Variants in RMDN1 observed in about 807,000 individuals in gnomAD.
RMDN1 encodes regulator of microtubule dynamics protein 1.
RMDN1 carries 48 observed loss-of-function variants against 48.9 expected under a neutral mutation model. The observed-to-expected ratio is 0.98, with a 90% CI of 0.78 to 1.25. The LOEUF is 1.25. RMDN1 is among the 50% of genes most tolerant of loss of function. The pLI is 0.00. For missense variants in RMDN1, 418 were observed against 373.4 expected, an observed-to-expected ratio of 1.12 and a Z score of -0.98; for synonymous variants, 148 against 132.6, an observed-to-expected ratio of 1.12 and a Z score of -0.80.
intron 5 of RMDN1, chr8:86,482,494 C>T (rs1483529796): frequency 3.1e-6 from 2 of 639,968 alleles, no homozygotes; most frequent in Non-Finnish European, 5.8e-6. Flanking sequence ...CGTTTTCTTC[C>T]TGGTCATTTA....
intron 2 of RMDN1, among the ~76,000 whole-genome samples, chr8:86,498,279 C>A (rs1181545262): frequency 2.7e-5 from 4 of 150,356 alleles, no homozygotes; most frequent in East Asian, 1.9e-4. Context: ...AACCTACCAA[C>A]CAGAAAAAGC....
chr8:86,482,351 G>T, intron 5 of RMDN1: 1 of 343,126 alleles, frequency 2.9e-6, no homozygotes, highest in South Asian at 2.7e-5. Flanking sequence ...GCAGTAAGCC[G>T]AGATCACACC....
chr8:86,475,004 T>C, intron 8 of RMDN1, 51 bp from the exon 9 acceptor site: 1 of 1,487,038 alleles, frequency 6.7e-7, no homozygotes, highest in African/African-American at 1.4e-5. Context: ...GTTGCTTTTA[T>C]TTTTAAAGGT....
intron 1 of RMDN1, among the ~76,000 whole-genome samples, chr8:86,507,717 ATC>A (rs1381674316): frequency 1.3e-5 from 2 of 152,082 alleles, no homozygotes; most frequent in East Asian, 3.8e-4. Flanking sequence ...AACTCCTCCC[ATC>A]TCTCTGCCTA....
chr8:86,486,607 T>C lies in RMDN1; in HGVS notation c.372A>G (p.Ala124=). ...TGCTAAGCTGAGCTACATCACGTGATGCCCGTGCCAAACGCCACAGTAACT... is the reference window on the plus strand; with the variant it reads ...TGCTAAGCTGAGCTACATCACGTGACGCCCGTGCCAAACGCCACAGTAACT... The part of the protein sequence containing the change: ...DAELLWRLAR[A]SRDVAQLSRT... The change falls in exon 4 of 10, where the codon GCA becomes GCG. Residue 124 remains alanine (A), a synonymous_variant. Coordinates refer to ENST00000406452, the MANE Select transcript of RMDN1 (RefSeq NM_016033.3). 9 of 1,606,798 alleles carry C rather than the reference T, an allele frequency of 5.6e-6. No individual in the cohort carries two copies. The highest frequency in any genetic ancestry group is 7.7e-6 in the Non-Finnish European group (9 of 1,176,108).
At position 86,482,048 on chromosome 8, in the gene RMDN1, T is replaced by C. The variant is rs1257379219; in HGVS notation, c.586-1716A>G. 4.4e-6 allele frequency: 3 copies of C among 680,344 alleles called. No homozygotes were observed. In the East Asian group the frequency reaches 8.2e-5, roughly 19 times the overall value. 42.1% of individuals were successfully genotyped at this position (680,344 alleles called of 1,614,324 possible). ...TCTTTGCATCGTAAATGCTAATCAC[T>C]GGTCCTCCTGCTAAAGCTCACGCGG... On this transcript the variant is annotated intron_variant, in intron 5 of 9. Coordinates refer to ENST00000406452, the MANE Select transcript of RMDN1 (RefSeq NM_016033.3).
chr8:86,505,153 C>T, intron 2 of RMDN1: 1 of 1,177,648 alleles, frequency 8.5e-7, no homozygotes, highest in African/African-American at 1.6e-5. Context: ...CCCAGGACTG[C>T]TTCTGAATGC....
At chr8:86,476,283 A>AG (rs1463975936) in intron 8 of RMDN1, among the ~76,000 whole-genome samples, 4 of 152,230 alleles carry the variant, frequency 2.6e-5, no homozygotes, top group Non-Finnish European at 5.9e-5. Flanking sequence ...TATGATCAAG[A>AG]GAGGGTATCA....
At chr8:86,512,009 G>A (rs1403894979), upstream of RMDN1, among the ~76,000 whole-genome samples, 1 of 152,106 alleles carries the variant, frequency 6.6e-6, no homozygotes, top group African/African-American at 2.4e-5. Context: ...ACCTTGTTAG[G>A]CTTGGTATCT....
intron 2 of RMDN1, among the ~76,000 whole-genome samples, chr8:86,502,880 G>A (rs543638754): frequency 2.0e-5 from 3 of 152,104 alleles, no homozygotes; most frequent in Non-Finnish European, 4.4e-5. Context: ...CTTTAAAAAT[G>A]TAAAAGAATA....
In RMDN1 at chr8:86,506,697, TCTCA is replaced by T. The variant is rs1395294867; in HGVS notation, c.247+294_247+297del. Reference sequence around the variant, plus strand: ...TGATAACGGTATCTTGGTTCTCAGTTCTCACTGTTTCCTCTGGTCACGGAGACTT... The same window carrying T: ...TGATAACGGTATCTTGGTTCTCAGTTCTGTTTCCTCTGGTCACGGAGACTT... On this transcript the variant is annotated intron_variant, in intron 2 of 9. Coordinates refer to ENST00000406452, the MANE Select transcript of RMDN1 (RefSeq NM_016033.3). 5.9e-5 allele frequency among the ~76,000 whole-genome samples: 9 copies of T among 152,272 alleles called. No individual in the cohort carries two copies. In the East Asian group the frequency reaches 1.4e-3, roughly 23 times the overall value.
intron 2 of RMDN1, among the ~76,000 whole-genome samples, chr8:86,491,070 T>A (rs1441715776): frequency 1.3e-5 from 2 of 151,852 alleles, no homozygotes; most frequent in African/African-American, 4.8e-5. Flanking sequence ...TCAAATAACT[T>A]AGCTCCAAAT....
At chr8:86,503,371 C>G in intron 2 of RMDN1, among the ~76,000 whole-genome samples, 1 of 68,004 alleles carries the variant, frequency 1.5e-5, no homozygotes, top group African/African-American at 1.0e-4. Flanking sequence ...CAAAACAAAA[C>G]AAAAAAAAAA....
At chr8:86,514,062 G>A (rs1247458291) in intron 1 of RMDN1, among the ~76,000 whole-genome samples, 2 of 151,874 alleles carry the variant, frequency 1.3e-5, no homozygotes, top group East Asian at 3.9e-4. Flanking sequence ...GCCCCAGGCT[G>A]GGGCTGGTCT....
intron 3 of RMDN1, among the ~76,000 whole-genome samples, chr8:86,487,510 C>T (rs1815677102): frequency 1.3e-5 from 2 of 152,082 alleles, no homozygotes; most frequent in Admixed American, 1.3e-4. Context: ...ATCGCTTGAA[C>T]CTGGAGGGTA....
chr8:86,469,122 CAGTTT>C (rs1428973519), downstream of RMDN1, among the ~76,000 whole-genome samples: 1 of 150,732 alleles, frequency 6.6e-6, no homozygotes. Context: ...TCTGTTAGAT[CAGTTT>C]AGTTGTTTGT....
rs1433268531 is a variant in RMDN1, at chr8:86,507,038, G to GT, written c.203dup (p.Tyr68Ter). ...CCACAGCAGCCTGAGAGATAACCTG[G>GT]TAAGTTTCAAAACCCAAATACGACA... ...SALSYLGFET[Y>*]QVISQAAVVH... The change falls in exon 2 of 10, where the codon TAC becomes TAAC. Residue 68 changes from tyrosine (Y) to a stop codon, truncating the protein, a stop_gained and frameshift_variant. Transcript: ENST00000406452. LOFTEE classifies it high-confidence loss of function. 2 of 1,612,944 alleles carry GT rather than the reference G, an allele frequency of 1.2e-6. No homozygotes were observed. The highest frequency in any genetic ancestry group is 1.6e-4 in the Middle Eastern group (1 of 6,080).
chr8:86,503,922 G>C (rs972498509), intron 2 of RMDN1: 3 of 729,432 alleles, frequency 4.1e-6, no homozygotes, highest in African/African-American at 1.7e-5. Context: ...AAGCAGCTGA[G>C]TTGGTTGAAA....
At chr8:86,475,261 T>C (rs940158717) in intron 8 of RMDN1, among the ~76,000 whole-genome samples, 6 of 152,208 alleles carry the variant, frequency 3.9e-5, no homozygotes, top group Non-Finnish European at 8.8e-5. Context: ...TGTATGCTAT[T>C]TGAGGACAGC....
Sources: gnomAD v4.1 joint callset for allele counts (sites outside exome capture counted in the v4.1 genomes callset) on GRCh38, gnomAD v4.1.1 for gene constraint, MANE v1.5 for transcripts, NCBI Gene and HGNC (gene_info 2026-07-23, HGNC 2026-07-21) for gene names.